The following SLC35F3 variants were observed in gnomAD, a reference collection of about 807,000 sequenced individuals.
The protein encoded by SLC35F3 is solute carrier family 35 member F3, also known as putative thiamine transporter SLC35F3.
A neutral mutation model predicts 49.9 loss-of-function variants in SLC35F3; 25 were observed. The ratio of observed to expected loss-of-function variants is 0.50; its 90% CI spans 0.37 to 0.70. The LOEUF (loss-of-function observed/expected upper bound fraction) is 0.70, where lower values mean the gene tolerates loss of function less well. Among genes scored for constraint, SLC35F3 ranks in the 30% least tolerant of loss-of-function variants. The probability of loss-of-function intolerance (pLI) is 0.00; values close to 1 mark genes in which losing one functional copy is unlikely to be tolerated. For missense variants in SLC35F3, 525 were observed against 639.8 expected (o/e 0.82, Z 1.94); for synonymous variants, 275 against 265.4 (o/e 1.04, Z -0.35).
chr1:234,128,493 G>T (rs541185162), intron 2 of SLC35F3, among the ~76,000 whole-genome samples: 1 of 152,294 alleles, frequency 6.6e-6, no homozygotes, highest in East Asian at 1.9e-4. Context: ...GGTGAGGGAT[G>T]AGAATGAGGT....
intron 2 of SLC35F3, among the ~76,000 whole-genome samples, chr1:233,994,049 C>A (rs1663415572): frequency 6.6e-6 from 1 of 152,144 alleles, no homozygotes; most frequent in African/African-American, 2.4e-5. Flanking sequence ...TGTCACCGTG[C>A]AATCTGAGAA....
chr1:234,051,370 G>T (rs1484225080), intron 2 of SLC35F3, among the ~76,000 whole-genome samples: 2 of 152,122 alleles, frequency 1.3e-5, no homozygotes, highest in African/African-American at 2.4e-5. Flanking sequence ...TTCTAAGTTG[G>T]ATTCCTAGGT....
intron 2 of SLC35F3, among the ~76,000 whole-genome samples, chr1:234,035,235 TTTAATCTATTTTTA>T (rs1664124568): frequency 6.6e-6 from 1 of 152,216 alleles, no homozygotes; most frequent in Non-Finnish European, 1.5e-5. Flanking sequence ...TGAACCTTTC[TTTAATCTATTTTTA>T]TACTTAACTG....
At chr1:234,145,624 C>G (rs1180823135) in intron 2 of SLC35F3, among the ~76,000 whole-genome samples, 2 of 151,708 alleles carry the variant, frequency 1.3e-5, no homozygotes, top group Non-Finnish European at 2.9e-5. Flanking sequence ...ACTTTTTTTT[C>G]TTGTCATTAT....
At chr1:234,202,133 C>T (rs1242792265) in intron 2 of SLC35F3, among the ~76,000 whole-genome samples, 1 of 152,160 alleles carries the variant, frequency 6.6e-6, no homozygotes, top group Non-Finnish European at 1.5e-5. Flanking sequence ...CCATTATCCT[C>T]AGCAAACTGA....
chr1:234,123,846 A>T (rs1665610365), intron 2 of SLC35F3, among the ~76,000 whole-genome samples: 1 of 152,192 alleles, frequency 6.6e-6, no homozygotes, highest in African/African-American at 2.4e-5. Context: ...AGCTCTGGGG[A>T]CAAAGGGCCC....
At chr1:233,919,313 C>A (rs1401503109) in intron 2 of SLC35F3, among the ~76,000 whole-genome samples, 2 of 152,174 alleles carry the variant, frequency 1.3e-5, no homozygotes, top group Non-Finnish European at 2.9e-5. Flanking sequence ...GTGCCATCTT[C>A]CAGATAGAAC....
At chr1:234,028,119 G>A (rs1030916889) in intron 2 of SLC35F3, among the ~76,000 whole-genome samples, 3 of 152,178 alleles carry the variant, frequency 2.0e-5, no homozygotes, top group Admixed American at 6.5e-5. Context: ...TCTTCTGACT[G>A]CAAGTTAGTG....
chr1:233,921,600 A>G (rs1334549979), intron 2 of SLC35F3, among the ~76,000 whole-genome samples: 1 of 151,996 alleles, frequency 6.6e-6, no homozygotes, highest in African/African-American at 2.4e-5. Context: ...TTTCCATAGC[A>G]TTGCCTTTTC....
At chr1:234,322,925 G>T in intron 7 of SLC35F3, 83 bp from the exon 8 acceptor site, 1 of 1,109,622 alleles carries the variant, frequency 9.0e-7, no homozygotes, top group South Asian at 1.3e-5. Flanking sequence ...AGACAGAGGA[G>T]GGTGCCCCCA....
At chr1:234,152,236 A>G (rs1666087055) in intron 2 of SLC35F3, among the ~76,000 whole-genome samples, 1 of 150,056 alleles carries the variant, frequency 6.7e-6, no homozygotes, top group Non-Finnish European at 1.5e-5. Context: ...TGTTATTATT[A>G]TTATTATTAT....
intron 2 of SLC35F3, among the ~76,000 whole-genome samples, chr1:233,961,889 G>A (rs946802823): frequency 6.6e-6 from 1 of 152,210 alleles, no homozygotes; most frequent in South Asian, 2.1e-4. Context: ...TCTTAACCCA[G>A]AACAGTGGGC....
In SLC35F3 at chr1:234,234,165, A is replaced by AT. The variant is rs201107646; in HGVS notation, c.608+2428dup. 8.2e-3 allele frequency among the ~76,000 whole-genome samples: 1,256 copies of AT among 152,294 alleles called. 13 individuals carry two copies. The highest frequency in any genetic ancestry group is 0.028 in the African/African-American group (1,172 of 41,552). ...TATCAAAATTAATGCCAGAGAGAAG[A>AT]TTTTGATTTGTCTGAGGAGATGAGT... On this transcript the variant is annotated intron_variant, in intron 3 of 7. Coordinates refer to ENST00000366618, the MANE Select transcript of SLC35F3 (RefSeq NM_173508.4).
chr1:234,171,481 T>C (rs982843124), intron 2 of SLC35F3, among the ~76,000 whole-genome samples: 1 of 152,212 alleles, frequency 6.6e-6, no homozygotes, highest in Non-Finnish European at 1.5e-5. Context: ...GCAGTGCCAA[T>C]GTCTACTTTA....
chr1:234,127,901 A>G (rs1315718471), intron 2 of SLC35F3, among the ~76,000 whole-genome samples: 1 of 152,230 alleles, frequency 6.6e-6, no homozygotes, highest in Non-Finnish European at 1.5e-5. Flanking sequence ...ACATATGCAC[A>G]TGACATGAAT....
Position 234,231,572 on chromosome 1 carries a change from T to C in SLC35F3, c.439T>C (p.Ser147Pro). 1 of 1,614,142 alleles carries C rather than the reference T, an allele frequency of 6.2e-7. No homozygotes were observed. The highest frequency in any genetic ancestry group is 8.5e-7 in the Non-Finnish European group (1 of 1,180,004). ...CGTGGCGGTCGTGCTGTGCGTGTGC[T>C]CCTCGTGGGCGGGCTCCACGCAGCT... ...WGVAVVLCVC[S>P]SWAGSTQLAK... Residue 147 changes from serine (S) to proline (P), a missense_variant, in exon 3 of 8, where the codon TCC becomes CCC. Ser to Pro is a moderately conservative substitution (Grantham distance 74). This residue lies in a region of SLC35F3 where 228 missense variants were observed against 218.9 expected (regional missense o/e 1.04). Transcript: ENST00000366618. The surrounding 1 kb of genome is among the most constrained non-coding windows in gnomAD (Gnocchi z 5.4).
intron 2 of SLC35F3, among the ~76,000 whole-genome samples, chr1:234,062,445 A>G (rs1664555036): frequency 6.6e-6 from 1 of 152,146 alleles, no homozygotes; most frequent in South Asian, 2.1e-4. Flanking sequence ...AATAGTTTTC[A>G]GGTCAATGTT....
intron 3 of SLC35F3, among the ~76,000 whole-genome samples, chr1:234,276,301 C>T (rs1668209934): frequency 6.6e-6 from 1 of 152,106 alleles, no homozygotes; most frequent in Admixed American, 6.6e-5. Flanking sequence ...CTGAGATAAG[C>T]TCTGAATGCC....
chr1:234,222,383 G>T (rs996979110), intron 2 of SLC35F3, among the ~76,000 whole-genome samples: 1 of 152,330 alleles, frequency 6.6e-6, no homozygotes, highest in East Asian at 1.9e-4. Flanking sequence ...GACCAAGCAA[G>T]TTTAGTCCTG....
Sources: gnomAD v4.1 joint callset for allele counts (sites outside exome capture counted in the v4.1 genomes callset) on GRCh38, gnomAD v4.1.1 for gene constraint, gnomAD v4.1.1 regional missense constraint, Gnocchi (gnomAD v3.1) non-coding constraint, MANE v1.5 for transcripts, NCBI Gene and HGNC (gene_info 2026-07-23, HGNC 2026-07-21) for gene names.